The following MAP3K9 variants were observed in gnomAD, a reference collection of about 807,000 sequenced individuals.
MAP3K9 encodes mixed lineage kinase 1 (tyr and ser/thr specificity).
MAP3K9 carries 46 observed loss-of-function variants against 95.8 expected under a neutral mutation model. The ratio of observed to expected loss-of-function variants is 0.48; its 90% CI spans 0.38 to 0.61. The LOEUF (loss-of-function observed/expected upper bound fraction) is 0.61. Ranked by LOEUF, MAP3K9 falls within the 20% of genes least tolerant of loss-of-function variation. MAP3K9 has a pLI of 0.00. For synonymous variants in MAP3K9, 533 were observed against 593.8 expected, an observed-to-expected ratio of 0.90 and a Z score of 1.49; for missense variants, 1,296 against 1,474.3, an observed-to-expected ratio of 0.88 and a Z score of 1.98.
chr14:70,775,884 A>T (rs1423230500), intron 2 of MAP3K9, among the ~76,000 whole-genome samples: 1 of 152,174 alleles, frequency 6.6e-6, no homozygotes, highest in African/African-American at 2.4e-5. Context: ...AGAGTGCTTA[A>T]GAAGTTAAGA....
chr14:70,804,340 T>C lies in MAP3K9; in HGVS notation c.407-3260A>G, dbSNP rs570635848. Among the ~76,000 whole-genome samples the C allele has an allele frequency of 2.0e-5, 3 of 152,342 alleles. No individual in the cohort carries two copies. The South Asian group carries it at 6.2e-4, about 32-fold the overall frequency. ...GAGCCCCAGAATGAATCCAGACTTA[T>C]TACTAACTTGTGCCTGATGTCATCT... On this transcript the variant is annotated intron_variant, in intron 1 of 11. Transcript: ENST00000554752.
In MAP3K9 at chr14:70,725,684, T is replaced by C. The variant is rs550664256; in HGVS notation, c.*4696A>G. The stretch of plus-strand genomic sequence containing the variant: ...GCTGATCCGACAGAAGAGATGCATT[T>C]GGTAATGCGTTTCTAACAATAGTAT... On this transcript the variant is annotated 3_prime_UTR_variant, in exon 12 of 12. Coordinates refer to ENST00000554752, the MANE Select transcript of MAP3K9 (RefSeq NM_001284230.2). 2.0e-5 allele frequency: 3 copies of C among 152,378 alleles called. No individual in the cohort carries two copies. In the South Asian group the frequency reaches 6.2e-4, roughly 32 times the overall value. The allele number at this position is 152,378 out of a possible 1,614,324, so 9.4% of individuals were successfully genotyped here. A position where few individuals can be genotyped will look rare whatever the true frequency, so the allele number is the denominator to read the frequency against.
rs554095837 is a variant in MAP3K9, at chr14:70,755,572, T to G, written c.1001+5430A>C. Among the ~76,000 whole-genome samples, 5 of 152,346 alleles carry G rather than the reference T, an allele frequency of 3.3e-5. No individual in the cohort carries two copies. The South Asian group carries it at 1.0e-3, about 32-fold the overall frequency. On this transcript the variant is annotated intron_variant, in intron 3 of 11. Transcript: ENST00000554752. ...AACATTTACCACAGACCCTAGCCCTTAAGCATTTGTAGGTGGTAACAACTG... is the reference window on the plus strand; with the variant it reads ...AACATTTACCACAGACCCTAGCCCTGAAGCATTTGTAGGTGGTAACAACTG...
chr14:70,787,036 G>A (rs771706324), intron 2 of MAP3K9, among the ~76,000 whole-genome samples: 1 of 151,982 alleles, frequency 6.6e-6, no homozygotes, highest in Non-Finnish European at 1.5e-5. Context: ...GAGGAGATGA[G>A]GTATATAGAT....
chr14:70,742,283 C>T, intron 6 of MAP3K9, 68 bp downstream of exon 6: 1 of 1,570,578 alleles, frequency 6.4e-7, no homozygotes, highest in South Asian at 1.2e-5. Context: ...TCCCGGACTC[C>T]CTCAAACCCT....
At chr14:70,743,050 G>A (rs1165593229) in intron 5 of MAP3K9, among the ~76,000 whole-genome samples, 4 of 151,810 alleles carry the variant, frequency 2.6e-5, no homozygotes, top group Admixed American at 6.6e-5. Context: ...GCAGCGGTGC[G>A]ATCTCAGCCC....
chr14:70,783,288 A>T (rs2054705705), intron 2 of MAP3K9: 3 of 959,850 alleles, frequency 3.1e-6, no homozygotes, highest in African/African-American at 1.8e-5. Context: ...ACGGCATCCT[A>T]AAGTAAATTC....
chr14:70,800,662 C>T lies in MAP3K9; in HGVS notation c.820+5G>A, dbSNP rs774409867. 1.9e-6 allele frequency: 3 copies of T among 1,610,964 alleles called. No homozygotes were observed. Among genetic ancestry groups the T allele is most frequent in the Non-Finnish European group, 1.7e-6 (2 of 1,178,552 alleles). On this transcript the variant is annotated splice_donor_5th_base_variant and intron_variant, in intron 2 of 11. Coordinates refer to ENST00000554752, the MANE Select transcript of MAP3K9 (RefSeq NM_001284230.2). Reference sequence around the variant, plus strand: ...GCCCCTCCAGCCCCATCTCTTCATACTCACTGTTGCTGGACTTAAGGTCGC... The same window carrying T: ...GCCCCTCCAGCCCCATCTCTTCATATTCACTGTTGCTGGACTTAAGGTCGC...
intron 2 of MAP3K9, among the ~76,000 whole-genome samples, chr14:70,797,127 C>T (rs1473867841): frequency 6.6e-6 from 1 of 152,174 alleles, no homozygotes; most frequent in Non-Finnish European, 1.5e-5. Context: ...TTATCATCAA[C>T]TGCTTTCTCT....
intron 1 of MAP3K9, among the ~76,000 whole-genome samples, chr14:70,802,666 C>G (rs2054943898): frequency 6.6e-6 from 1 of 152,094 alleles, no homozygotes; most frequent in Non-Finnish European, 1.5e-5. Context: ...AGGTCAGGCC[C>G]CTATCAAACA....
chr14:70,799,549 CA>C (rs1225303432), intron 2 of MAP3K9, among the ~76,000 whole-genome samples: 1 of 152,010 alleles, frequency 6.6e-6, no homozygotes, highest in Non-Finnish European at 1.5e-5. Context: ...CCGTGTTAGC[CA>C]GGATGGTCTC....
rs138870042 is a variant in MAP3K9, at chr14:70,766,439, G to A, written c.821-5257C>T. Among the ~76,000 whole-genome samples the A allele has an allele frequency of 9.6e-3, 1,458 of 152,228 alleles. 10 individuals are homozygous for A. The highest frequency in any genetic ancestry group is 0.02 in the Middle Eastern group (6 of 294). On this transcript the variant is annotated intron_variant, in intron 2 of 11. Transcript: ENST00000554752. Reference sequence around the variant, plus strand: ...ATAAATGGAAACCATAGGGTTCAGCGCTCAAGGGACTGATATGGAAGGCCT... The same window carrying A: ...ATAAATGGAAACCATAGGGTTCAGCACTCAAGGGACTGATATGGAAGGCCT...
At position 70,809,421 on chromosome 14, in the gene MAP3K9, C is replaced by G. The variant is rs2055042296; in HGVS notation, c.-250G>C. The G allele has an allele frequency of 8.5e-6, 3 of 352,970 alleles. No individual in the cohort carries two copies. In the Admixed American group the frequency reaches 1.5e-4, roughly 17 times the overall value. The allele number at this position is 352,970 out of a possible 1,614,324, so 21.9% of individuals were successfully genotyped here. On this transcript the variant is annotated 5_prime_UTR_variant, in exon 1 of 12. Transcript: ENST00000554752. Reference sequence around the variant, plus strand: ...GCCGAGTCCCCGCCTGCCCGCTCGCCCCCCCGGGGGCGGCCTCGTCACCTC... The same window carrying G: ...GCCGAGTCCCCGCCTGCCCGCTCGCGCCCCCGGGGGCGGCCTCGTCACCTC...
At chr14:70,739,807 A>G in intron 7 of MAP3K9, 1 of 1,338,944 alleles carries the variant, frequency 7.5e-7, no homozygotes, top group Non-Finnish European at 1.0e-6. Flanking sequence ...AGTACCCACA[A>G]ATCCCTTTGC....
At chr14:70,738,993 T>C (rs780447528) in intron 7 of MAP3K9, among the ~76,000 whole-genome samples, 3 of 152,132 alleles carry the variant, frequency 2.0e-5, no homozygotes, top group Admixed American at 2.0e-4. Flanking sequence ...GCAAACTAGT[T>C]ACCAAAAAAC....
At position 70,809,296 on chromosome 14, in the gene MAP3K9, C is replaced by CGGGCTGGCA; in HGVS notation, c.-134_-126dup. On this transcript the variant is annotated 5_prime_UTR_variant, in exon 1 of 12. Coordinates refer to ENST00000554752, the MANE Select transcript of MAP3K9 (RefSeq NM_001284230.2). Reference sequence around the variant, plus strand: ...AACGACGGCGGCCGCAGGTAGGGCCCGGGCTGGCAGGGCTGGGAGAGCCGG... The same window carrying CGGGCTGGCA: ...AACGACGGCGGCCGCAGGTAGGGCCCGGGCTGGCAGGGCTGGCAGGGCTGGGAGAGCCGG... 1.7e-6 allele frequency: 2 copies of CGGGCTGGCA among 1,192,586 alleles called. No homozygotes were observed. The highest frequency in any genetic ancestry group is 2.1e-6 in the Non-Finnish European group (2 of 949,004). The allele number at this position is 1,192,586 out of a possible 1,614,324, so 73.9% of individuals were successfully genotyped here.
intron 3 of MAP3K9, among the ~76,000 whole-genome samples, chr14:70,754,961 A>G (rs2054278578): frequency 6.6e-6 from 1 of 152,170 alleles, no homozygotes; most frequent in Admixed American, 6.5e-5. Flanking sequence ...GCAGACTGGG[A>G]AACTTACACA....
Position 70,730,278 on chromosome 14 carries a change from A to G in MAP3K9, c.*102T>C. 1 of 1,480,878 alleles carries G rather than the reference A, an allele frequency of 6.8e-7. No homozygotes were observed. The highest frequency in any genetic ancestry group is 1.3e-5 in the South Asian group (1 of 74,406). 91.7% of individuals were successfully genotyped at this position (1,480,878 alleles called of 1,614,324 possible). A position where few individuals can be genotyped will look rare whatever the true frequency, so the allele number is the denominator to read the frequency against. On this transcript the variant is annotated 3_prime_UTR_variant, in exon 12 of 12. Coordinates refer to ENST00000554752, the MANE Select transcript of MAP3K9 (RefSeq NM_001284230.2). Reference sequence around the variant, plus strand: ...AAAGTGCATTATCAGTGCAAGAAGTAGGGCTGGATCTCAGGGGGTCCAACC... The same window carrying G: ...AAAGTGCATTATCAGTGCAAGAAGTGGGGCTGGATCTCAGGGGGTCCAACC...
At chr14:70,739,430 G>A (rs1014084270) in intron 7 of MAP3K9, among the ~76,000 whole-genome samples, 3 of 151,948 alleles carry the variant, frequency 2.0e-5, no homozygotes, top group African/African-American at 7.3e-5. Flanking sequence ...ATGCCCAGCC[G>A]AAATCTTGGA....
Sources: allele counts gnomAD v4.1 joint callset (sites outside exome capture counted in the v4.1 genomes callset), GRCh38; gene constraint gnomAD v4.1.1; transcripts MANE v1.5; gene names NCBI Gene and HGNC (gene_info 2026-07-23, HGNC 2026-07-21).